The following POSTN variants were observed in gnomAD, a reference collection of about 807,000 sequenced individuals.
POSTN encodes osteoblast specific factor 2 (fasciclin I-like).
Under a neutral mutation model 104.5 loss-of-function variants are expected in POSTN, and 71 were observed. The observed-to-expected ratio is 0.68, with a 90% confidence interval of 0.56 to 0.83. POSTN has a LOEUF of 0.83. Among genes scored for constraint, POSTN ranks in the 40% least tolerant of loss-of-function variants. POSTN has a pLI of 0.00. For synonymous variants in POSTN, 355 were observed against 340.7 expected (o/e 1.04, Z -0.46); for missense variants, 949 against 1,006.8 (o/e 0.94, Z 0.78).
chr13:37,573,899 T>C (rs1450279891), intron 17 of POSTN, among the ~76,000 whole-genome samples: 1 of 149,558 alleles, frequency 6.7e-6, no homozygotes, highest in African/African-American at 2.5e-5. Context: ...TTATTTAATG[T>C]TCTAGTCTGA....
Position 37,569,374 on chromosome 13 carries a change from T to C in POSTN, c.2357A>G (p.Lys786Arg), listed in dbSNP as rs1213590148. ...LKKLLQEEVT[K>R]VTKFIEGGDG... ...ACCACCTTCAATGAATTTGGTGACC[T>C]TGGTGACCTCTGAGAGGATACATGT... Residue 786 changes from lysine to arginine, a missense_variant, in exon 21 of 23, where the codon AAG becomes AGG. Physicochemically the swap from Lys to Arg is conservative, Grantham distance 26. Transcript: ENST00000379747. 1 of 1,611,420 alleles carries C rather than the reference T, an allele frequency of 6.2e-7. No homozygotes were observed. Among genetic ancestry groups the C allele is most frequent in the African/African-American group, 1.3e-5 (1 of 74,976 alleles).
intron 11 of POSTN, 147 bp from the exon 12 acceptor site, chr13:37,580,138 C>T: frequency 2.6e-6 from 2 of 783,140 alleles, no homozygotes. Context: ...TACAATTTAC[C>T]TGTTAAAAGT....
intron 2 of POSTN, among the ~76,000 whole-genome samples, chr13:37,595,207 A>G (rs936266075): frequency 5.9e-5 from 9 of 152,164 alleles, no homozygotes; most frequent in African/African-American, 1.7e-4. Flanking sequence ...TTTCAGGGTG[A>G]AGGTCCTTTC....
chr13:37,592,047 A>G, intron 3 of POSTN, 53 bp downstream of exon 3: 1 of 1,242,428 alleles, frequency 8.0e-7, no homozygotes, highest in Non-Finnish European at 1.2e-6. Flanking sequence ...AAGCCACCTC[A>G]ACCCTTTCTT....
intron 1 of POSTN, 103 bp downstream of exon 1, chr13:37,598,505 A>G (rs1237531335): frequency 9.7e-6 from 10 of 1,032,530 alleles, no homozygotes; most frequent in African/African-American, 1.6e-5. Context: ...AATAATTAGG[A>G]AAAAAAACCC....
intron 2 of POSTN, among the ~76,000 whole-genome samples, chr13:37,593,099 C>T (rs903675194): frequency 4.0e-5 from 6 of 151,016 alleles, no homozygotes; most frequent in African/African-American, 1.5e-4. Context: ...GTTTAGTATT[C>T]AAGAAAGTGG....
In POSTN at chr13:37,570,628, G is replaced by C. The variant is rs765756139; in HGVS notation, c.2221C>G (p.Pro741Ala). Reference protein sequence around the residue: ...KKYTKIIDGVPVEITEKETRE... With the variant: ...KKYTKIIDGVAVEITEKETRE... ...GTCTCTTTTTCAGTTATTTCCACAG[G>C]CACTCCATCAATGATTTTGGTGTAT... The change falls in exon 19 of 23, where the codon CCT becomes GCT. Residue 741 changes from proline (P) to alanine (A), a missense_variant. Pro to Ala is a conservative substitution (Grantham distance 27, BLOSUM62 -1). Transcript: ENST00000379747. 7 of 1,608,760 alleles carry C rather than the reference G, an allele frequency of 4.4e-6. No individual in the cohort carries two copies. In the African/African-American group the frequency reaches 9.4e-5, roughly 22 times the overall value.
intron 21 of POSTN, among the ~76,000 whole-genome samples, chr13:37,566,054 A>G (rs1042165344): frequency 1.3e-5 from 2 of 152,320 alleles, no homozygotes; most frequent in East Asian, 1.9e-4. Context: ...ATAGCATCCA[A>G]TTAATGAGGT....
chr13:37,596,399 G>T (rs1951087227), intron 2 of POSTN, among the ~76,000 whole-genome samples: 1 of 152,190 alleles, frequency 6.6e-6, no homozygotes, highest in Non-Finnish European at 1.5e-5. Context: ...TGGATCACAG[G>T]AGTGGTTCTT....
At chr13:37,597,327 A>T (rs1479065198) in intron 1 of POSTN, 45 bp from the exon 2 acceptor site, 1 of 1,304,016 alleles carries the variant, frequency 7.7e-7, no homozygotes, top group Admixed American at 2.4e-5. Flanking sequence ...CCTAATAATG[A>T]CTAGTTTTTC....
rs71093693 is a variant in POSTN, at chr13:37,564,181, CATATATAT to C, written c.2473+330_2473+337del. ...GTATACTTGTATATACAAAACATTA[CATATATAT>C]ATATATATATATATATATATATATA... On this transcript the variant is annotated intron_variant, in intron 22 of 22. Coordinates refer to ENST00000379747, the MANE Select transcript of POSTN (RefSeq NM_006475.3). Among the ~76,000 whole-genome samples the C allele has an allele frequency of 1.3e-3, 65 of 49,806 alleles. 1 individual carries two copies. The highest frequency in any genetic ancestry group is 2.1e-3 in the South Asian group (2 of 972). 32.7% of individuals were successfully genotyped at this position (49,806 alleles called of 152,430 possible). A position where few individuals can be genotyped will look rare whatever the true frequency, so the allele number is the denominator to read the frequency against.
chr13:37,577,972 A>C (rs541824968), intron 15 of POSTN, among the ~76,000 whole-genome samples, 174 bp from the exon 16 acceptor site: 183 of 151,548 alleles, frequency 1.2e-3, no homozygotes, highest in African/African-American at 4.3e-3. Flanking sequence ...GTCAGAGGGC[A>C]TAAAAATCAT....
In POSTN at chr13:37,562,728, T is replaced by A. The variant is rs541839851; in HGVS notation, c.*605A>T. The stretch of plus-strand genomic sequence containing the variant: ...AGTAATTCTCTTTATATCTGAAAAA[T>A]GGTTTTATTGAAACGTTTGAGATTA... On this transcript the variant is annotated 3_prime_UTR_variant, in exon 23 of 23. Coordinates refer to ENST00000379747, the MANE Select transcript of POSTN (RefSeq NM_006475.3). The A allele has an allele frequency of 6.6e-6, 1 of 152,184 alleles. No homozygotes were observed. The highest frequency in any genetic ancestry group is 6.5e-5 in the Admixed American group (1 of 15,276). The allele number at this position is 152,184 out of a possible 1,614,324, so 9.4% of individuals were successfully genotyped here. A position where few individuals can be genotyped will look rare whatever the true frequency, so the allele number is the denominator to read the frequency against.
chr13:37,567,316 T>C (rs1950140695), intron 21 of POSTN, among the ~76,000 whole-genome samples: 2 of 150,402 alleles, frequency 1.3e-5, no homozygotes, highest in South Asian at 4.2e-4. Flanking sequence ...CAGTTTTAGG[T>C]AGAACTTATT....
At chr13:37,576,224 A>G (rs1280182685) in intron 16 of POSTN, among the ~76,000 whole-genome samples, 1 of 152,212 alleles carries the variant, frequency 6.6e-6, no homozygotes, top group African/African-American at 2.4e-5. Flanking sequence ...TATGCAGCAA[A>G]AAATTATAGG....
At position 37,587,929 on chromosome 13, in the gene POSTN, T is replaced by C; in HGVS notation, c.499A>G (p.Ser167Gly). The part of the protein sequence containing the change: ...VNVELLNALH[S>G]HMINKRMLTK... ...AACATTCTCTTATTAATCATGTGAC[T>C]ATGTAAAGCATTCAGTAATTCAACA... is the stretch of plus-strand genomic sequence containing the variant. Residue 167 changes from serine (S) to glycine (G), a missense_variant, in exon 5 of 23, where the codon AGT (serine) becomes GGT (glycine). Coordinates refer to ENST00000379747, the MANE Select transcript of POSTN (RefSeq NM_006475.3). The C allele has an allele frequency of 1.2e-6, 2 of 1,601,750 alleles. No individual in the cohort carries two copies. The highest frequency in any genetic ancestry group is 1.7e-6 in the Non-Finnish European group (2 of 1,169,298).
At position 37,587,954 on chromosome 13, in the gene POSTN, A is replaced by G. The variant is rs1438015412; in HGVS notation, c.474T>C (p.Asn158=). 6.2e-7 allele frequency: 1 copy of G among 1,604,982 alleles called. No homozygotes were observed. Among genetic ancestry groups the G allele is most frequent in the African/African-American group, 1.3e-5 (1 of 74,660 alleles). The part of the protein sequence containing the change: ...DIRRGLESNV[N]VELLNALHSH... ...TATGTAAAGCATTCAGTAATTCAAC[A>G]TTCACGTTGCTCTCCAAACCTCTAC... Residue 158 remains asparagine, a synonymous_variant, in exon 5 of 23, where the codon AAT becomes AAC. Coordinates refer to ENST00000379747, the MANE Select transcript of POSTN (RefSeq NM_006475.3).
Position 37,569,467 on chromosome 13 carries a change from T to C in POSTN, c.2348-84A>G, listed in dbSNP as rs1950200745. ...ACTTTATGTCATAAATAATGGCATCTGCCCAATAATGAATTCCAGCCCAAC... is the reference window on the plus strand; with the variant it reads ...ACTTTATGTCATAAATAATGGCATCCGCCCAATAATGAATTCCAGCCCAAC... On this transcript the variant is annotated intron_variant, in intron 20 of 22. Transcript: ENST00000379747. The C allele has an allele frequency of 3.7e-6, 4 of 1,072,660 alleles. No homozygotes were observed. The African/African-American group carries it at 4.7e-5, about 13-fold the overall frequency. 66.4% of individuals were successfully genotyped at this position (1,072,660 alleles called of 1,614,324 possible). A position where few individuals can be genotyped will look rare whatever the true frequency, so the allele number is the denominator to read the frequency against.
In POSTN at chr13:37,586,942, G is replaced by T. The variant is rs1473666699; in HGVS notation, c.607-14C>A. On this transcript the variant is annotated splice_polypyrimidine_tract_variant and intron_variant, in intron 5 of 22. Coordinates refer to ENST00000379747, the MANE Select transcript of POSTN (RefSeq NM_006475.3). ...AACAGTGACAACCTATAATTATTTG[G>T]AAAAATCAAAGTGCTGAAACCAGAG... The T allele has an allele frequency of 6.2e-7, 1 of 1,610,408 alleles. No individual in the cohort carries two copies. The highest frequency in any genetic ancestry group is 1.7e-5 in the Admixed American group (1 of 59,310).
Sources: gnomAD v4.1 joint callset for allele counts (sites outside exome capture counted in the v4.1 genomes callset) on GRCh38, gnomAD v4.1.1 for gene constraint, MANE v1.5 for transcripts, NCBI Gene and HGNC (gene_info 2026-07-23, HGNC 2026-07-21) for gene names.